EPHA4: variants seen among roughly 807,000 people sequenced by gnomAD.
EPHA4 encodes EPH receptor A4.
A neutral mutation model predicts 108.3 loss-of-function variants in EPHA4; 19 were observed. The ratio of observed to expected loss-of-function variants is 0.18; its 90% confidence interval spans 0.12 to 0.26. The LOEUF (loss-of-function observed/expected upper bound fraction) is 0.26, where lower values mean the gene tolerates loss of function less well. Ranked by LOEUF, EPHA4 falls within the 10% of genes least tolerant of loss-of-function variation. The probability of loss-of-function intolerance (pLI) is 1.00; values close to 1 mark genes in which losing one functional copy is unlikely to be tolerated. For synonymous variants in EPHA4, 449 were observed against 455.5 expected, an observed-to-expected ratio of 0.99 and a Z score of 0.18; for missense variants, 917 against 1,254.0, an observed-to-expected ratio of 0.73 and a Z score of 4.06.
intron 4 of EPHA4, among the ~76,000 whole-genome samples, chr2:221,499,745 T>TAC (rs1692424909): frequency 1.7e-5 from 1 of 60,586 alleles, no homozygotes; most frequent in Non-Finnish European, 2.8e-5. Context: ...TATATATATA[T>TAC]ATATATATAT....
At chr2:221,472,004 C>A (rs2106131102) in intron 5 of EPHA4, among the ~76,000 whole-genome samples, 1 of 152,278 alleles carries the variant, frequency 6.6e-6, no homozygotes, top group East Asian at 1.9e-4. Context: ...AAACCACACC[C>A]TCCTGGGAAC....
intron 5 of EPHA4, among the ~76,000 whole-genome samples, chr2:221,465,054 T>C (rs1443933463): frequency 2.0e-5 from 3 of 152,162 alleles, no homozygotes; most frequent in African/African-American, 7.2e-5. Context: ...TGCATTTTTT[T>C]TTTCCATAAA....
intron 3 of EPHA4, among the ~76,000 whole-genome samples, chr2:221,536,586 C>A (rs1336461839): frequency 6.6e-6 from 1 of 152,218 alleles, no homozygotes; most frequent in Non-Finnish European, 1.5e-5. Flanking sequence ...TCCATGAAGT[C>A]ATTCTTCAGA....
intron 3 of EPHA4, among the ~76,000 whole-genome samples, chr2:221,516,593 G>C (rs1387399534): frequency 6.6e-6 from 1 of 152,138 alleles, no homozygotes; most frequent in African/African-American, 2.4e-5. Flanking sequence ...GACCTCAGGT[G>C]ATCGGCCCGC....
At chr2:221,428,125 T>G (rs545059976) in intron 15 of EPHA4, among the ~76,000 whole-genome samples, 1 of 152,356 alleles carries the variant, frequency 6.6e-6, no homozygotes, top group East Asian at 1.9e-4. Flanking sequence ...TAATATTTGT[T>G]ATTAGACAAA....
intron 13 of EPHA4, among the ~76,000 whole-genome samples, chr2:221,435,703 T>C (rs1690209092): frequency 6.6e-6 from 1 of 152,124 alleles, no homozygotes; most frequent in East Asian, 1.9e-4. Flanking sequence ...AGCACAGCCA[T>C]TAACTGTGTA....
intron 3 of EPHA4, among the ~76,000 whole-genome samples, chr2:221,539,217 T>TTTAC (rs1693760077): frequency 6.6e-6 from 1 of 152,196 alleles, no homozygotes; most frequent in Non-Finnish European, 1.5e-5. Context: ...GTTTCACGTA[T>TTTAC]TTACTTATGA....
At chr2:221,456,461 C>G (rs1690954859) in intron 7 of EPHA4, 152 bp downstream of exon 7, 7 of 653,404 alleles carry the variant, frequency 1.1e-5, no homozygotes, top group Non-Finnish European at 2.5e-6. Context: ...AAGTTACAGA[C>G]ATTGGCTAAC....
chr2:221,430,124 G>A lies in EPHA4; in HGVS notation c.2524C>T (p.Arg842Trp), dbSNP rs560055932. ...DVIKAIEEGY[R>W]LPPPMDCPIA... Reference sequence around the variant, plus strand: ...GGGCAGTCCATTGGAGGGGGTAACCGATAGCCTTCCTCAATGGCTTTAATC... The same window carrying A: ...GGGCAGTCCATTGGAGGGGGTAACCAATAGCCTTCCTCAATGGCTTTAATC... Residue 842 changes from arginine (R) to tryptophan (W), a missense_variant, in exon 15 of 18, where the codon CGG becomes TGG. This residue lies in a region of EPHA4 where 758 missense variants were observed against 1,076.7 expected (regional missense o/e 0.70). Coordinates refer to ENST00000281821, the MANE Select transcript of EPHA4 (RefSeq NM_004438.5). 3.7e-6 allele frequency: 6 copies of A among 1,609,578 alleles called. No homozygotes were observed. The highest frequency in any genetic ancestry group is 2.2e-5 in the East Asian group (1 of 44,674).
At chr2:221,568,874 C>T in intron 1 of EPHA4, 89 bp from the exon 2 acceptor site, 1 of 1,095,052 alleles carries the variant, frequency 9.1e-7, no homozygotes, top group Non-Finnish European at 1.3e-6. Context: ...TCCATATGTG[C>T]TGAGGCTGTG....
At chr2:221,566,872 A>AAGGAGAAGGAGAAGG (rs1694657119) in intron 2 of EPHA4, among the ~76,000 whole-genome samples, 1 of 41,580 alleles carries the variant, frequency 2.4e-5, no homozygotes, top group Non-Finnish European at 4.6e-5. Context: ...GAAGAAGAAG[A>AAGGAGAAGGAGAAGG]AGAAGGAGAA....
intron 3 of EPHA4, chr2:221,502,560 T>A (rs1227750559): frequency 4.2e-6 from 2 of 471,368 alleles, no homozygotes; most frequent in East Asian, 1.4e-4. Context: ...TCCATGAAAC[T>A]GCTTGATTCT....
chr2:221,515,159 G>A lies in EPHA4; in HGVS notation c.824-13987C>T, dbSNP rs139433476. On this transcript the variant is annotated intron_variant, in intron 3 of 17. Transcript: ENST00000281821. Reference sequence around the variant, plus strand: ...TGGCCAGGCTGGAGTACAATGGCACGATCTTGGCTCACTGCAACCTCTGCC... The same window carrying A: ...TGGCCAGGCTGGAGTACAATGGCACAATCTTGGCTCACTGCAACCTCTGCC... 6.2e-4 allele frequency among the ~76,000 whole-genome samples: 95 copies of A among 152,230 alleles called. 3 individuals carry two copies. In the East Asian group the frequency reaches 0.012, roughly 19 times the overall value.
rs184224394 is a variant in EPHA4 at position 221,550,886 on chromosome 2, C to T, written c.823+12845G>A. 2.3e-3 allele frequency among the ~76,000 whole-genome samples: 345 copies of T among 151,090 alleles called. 1 individual carries two copies. The highest frequency in any genetic ancestry group is 7.9e-3 in the African/African-American group (327 of 41,214). On this transcript the variant is annotated intron_variant, in intron 3 of 17. Transcript: ENST00000281821. ...TATTAGATCTCATAAATACAAAATA[C>T]AACAAACCAAAAAAGCAACATAACC...
intron 3 of EPHA4, among the ~76,000 whole-genome samples, chr2:221,543,335 T>G (rs1394809416): frequency 6.6e-6 from 1 of 152,200 alleles, no homozygotes; most frequent in Admixed American, 6.5e-5. Flanking sequence ...TGAAAAGATT[T>G]TATGATCATG....
At chr2:221,453,894 T>C (rs764811112) in intron 8 of EPHA4, among the ~76,000 whole-genome samples, 2 of 152,112 alleles carry the variant, frequency 1.3e-5, no homozygotes, top group Non-Finnish European at 2.9e-5. Flanking sequence ...AAGAAATACA[T>C]GGCCGGACAT....
intron 15 of EPHA4, among the ~76,000 whole-genome samples, chr2:221,428,361 A>G (rs552789949): frequency 9.5e-4 from 144 of 152,350 alleles, no homozygotes; most frequent in African/African-American, 3.3e-3. Context: ...ACCATGTTAT[A>G]CTACATCTCA....
chr2:221,563,899 T>C lies in EPHA4; in HGVS notation c.655A>G (p.Thr219Ala), dbSNP rs1694544950. ...ACCAGGGAAGACGTATCAGCCCCTG[T>C]GATGGTGTCAGGAAACTGGGCCAGA... is the stretch of plus-strand genomic sequence containing the variant. The part of the protein sequence containing the change: ...RNLAQFPDTI[T>A]GADTSSLVEV... Residue 219 changes from threonine (T) to alanine (A), a missense_variant, in exon 3 of 18, where the codon ACA becomes GCA. Coordinates refer to ENST00000281821, the MANE Select transcript of EPHA4 (RefSeq NM_004438.5). 12 of 1,614,204 alleles carry C rather than the reference T, an allele frequency of 7.4e-6. No individual in the cohort carries two copies. The South Asian group carries it at 1.2e-4, about 16-fold the overall frequency.
At chr2:221,553,837 C>T (rs1194855260) in intron 3 of EPHA4, among the ~76,000 whole-genome samples, 2 of 152,104 alleles carry the variant, frequency 1.3e-5, no homozygotes, top group African/African-American at 4.8e-5. Context: ...CATTTGCCTT[C>T]TATTAAGAAT....
Sources: allele counts gnomAD v4.1 joint callset (sites outside exome capture counted in the v4.1 genomes callset), GRCh38; gene constraint gnomAD v4.1.1; regional missense constraint gnomAD v4.1.1; transcripts MANE v1.5; gene names NCBI Gene and HGNC (gene_info 2026-07-23, HGNC 2026-07-21).